Variants in NARS2 observed in about 807,000 individuals in gnomAD.
The protein encoded by NARS2 is asparaginyl-tRNA synthetase.
NARS2 carries 60 observed loss-of-function variants against 62.9 expected under a neutral mutation model. That is an observed-to-expected ratio of 0.95 (90% CI 0.77 to 1.18). NARS2 has a LOEUF of 1.18. Ranked by LOEUF, NARS2 falls within the 50% of genes most tolerant of loss-of-function variation. The pLI is 0.00. For missense variants in NARS2, 619 were observed against 576.4 expected (o/e 1.07, Z -0.76); for synonymous variants, 196 against 200.0 (o/e 0.98, Z 0.17).
chr11:78,486,496 C>T (rs528211960), intron 7 of NARS2, among the ~76,000 whole-genome samples: 23 of 152,284 alleles, frequency 1.5e-4, no homozygotes, highest in Middle Eastern at 3.4e-3. Flanking sequence ...GAGTAGCACA[C>T]GCATCAGAAA....
intron 6 of NARS2, among the ~76,000 whole-genome samples, chr11:78,521,768 C>A (rs1438858825): frequency 8.7e-6 from 1 of 115,516 alleles, no homozygotes; most frequent in Non-Finnish European, 1.6e-5. Context: ...CCAGCCTGGG[C>A]GACAGAGCGA....
intron 11 of NARS2, among the ~76,000 whole-genome samples, chr11:78,457,819 C>A (rs200349811): frequency 2.5e-4 from 32 of 127,222 alleles, no homozygotes; most frequent in African/African-American, 6.9e-4. Flanking sequence ...CACACACACA[C>A]ACACACACAA....
chr11:78,460,652 T>C (rs1239458258), intron 11 of NARS2, among the ~76,000 whole-genome samples: 1 of 152,190 alleles, frequency 6.6e-6, no homozygotes, highest in East Asian at 1.9e-4. Flanking sequence ...GTATCTGGCA[T>C]GTACAATTAG....
chr11:78,558,915 G>A (rs7111004), intron 5 of NARS2, among the ~76,000 whole-genome samples: 112,971 of 152,066 alleles, frequency 0.74, 42,500 homozygotes, highest in Non-Finnish European at 0.81. Context: ...TTGAATCTGC[G>A]TAAGAGAGAG....
intron 2 of NARS2, among the ~76,000 whole-genome samples, chr11:78,569,071 A>G (rs1856833487): frequency 6.6e-6 from 1 of 152,208 alleles, no homozygotes; most frequent in African/African-American, 2.4e-5. Context: ...ACATGGGAAA[A>G]CTGCAAATCA....
chr11:78,461,252 A>C (rs1362463757), intron 11 of NARS2, among the ~76,000 whole-genome samples: 3 of 152,144 alleles, frequency 2.0e-5, no homozygotes. Context: ...AACATGAGGA[A>C]AATAAAGACC....
Position 78,565,588 on chromosome 11 carries a change from C to T in NARS2, c.513+544G>A, listed in dbSNP as rs553874494. Among the ~76,000 whole-genome samples the T allele has an allele frequency of 6.6e-5, 10 of 152,242 alleles. No individual in the cohort carries two copies. The East Asian group carries it at 9.7e-4, about 15-fold the overall frequency. ...GAGACCCAAGTGGCTAGAGTTCATA[C>T]GCTAGAATATCAGAGAGAGAGCTGC... On this transcript the variant is annotated intron_variant, in intron 4 of 13. Transcript: ENST00000281038.
At chr11:78,478,328 T>C in intron 9 of NARS2, 110 bp downstream of exon 9, 1 of 363,316 alleles carries the variant, frequency 2.8e-6, no homozygotes, top group South Asian at 6.9e-5. Context: ...TATATATATA[T>C]CCTATATATA....
At chr11:78,521,323 C>T (rs1317542225) in intron 6 of NARS2, among the ~76,000 whole-genome samples, 2 of 151,842 alleles carry the variant, frequency 1.3e-5, no homozygotes, top group Non-Finnish European at 2.9e-5. Flanking sequence ...TGCCACCATG[C>T]TTGGTTTTTG....
intron 7 of NARS2, among the ~76,000 whole-genome samples, chr11:78,489,306 T>C (rs758148930): frequency 3.3e-5 from 5 of 152,242 alleles, no homozygotes; most frequent in African/African-American, 9.6e-5. Flanking sequence ...GGAGATGACA[T>C]ATAGATGGCC....
At chr11:78,456,404 C>T (rs1369771264) in intron 11 of NARS2, among the ~76,000 whole-genome samples, 1 of 152,128 alleles carries the variant, frequency 6.6e-6, no homozygotes, top group Non-Finnish European at 1.5e-5. Flanking sequence ...GAAATGGATA[C>T]TTTCAATTTT....
At chr11:78,505,998 A>G (rs559553316) in intron 6 of NARS2, among the ~76,000 whole-genome samples, 1 of 152,342 alleles carries the variant, frequency 6.6e-6, no homozygotes, top group African/African-American at 2.4e-5. Flanking sequence ...GAACTCTTAC[A>G]ACCCAATAAT....
chr11:78,545,257 C>G (rs1041384382), intron 5 of NARS2, among the ~76,000 whole-genome samples: 1 of 151,966 alleles, frequency 6.6e-6, no homozygotes, highest in Non-Finnish European at 1.5e-5. Context: ...TATGAAAATT[C>G]TTTTTTACAA....
At chr11:78,486,005 G>A (rs1859557998) in intron 7 of NARS2, among the ~76,000 whole-genome samples, 1 of 152,050 alleles carries the variant, frequency 6.6e-6, no homozygotes, top group Non-Finnish European at 1.5e-5. Flanking sequence ...CTCCCAAGTA[G>A]CTCGGATTAC....
At chr11:78,495,127 A>T (rs1339121717) in intron 6 of NARS2, among the ~76,000 whole-genome samples, 1 of 152,120 alleles carries the variant, frequency 6.6e-6, no homozygotes, top group Non-Finnish European at 1.5e-5. Flanking sequence ...CTCAAATCTG[A>T]TTATGTCAGC....
intron 11 of NARS2, among the ~76,000 whole-genome samples, chr11:78,458,918 T>TTTG (rs1413374834): frequency 1.3e-4 from 19 of 150,810 alleles, no homozygotes; most frequent in Non-Finnish European, 1.5e-5. Context: ...TTTTTTTTTG[T>TTTG]TTGTTTGTTT....
At chr11:78,468,870 A>G (rs1056168718) in intron 10 of NARS2, among the ~76,000 whole-genome samples, 1 of 149,730 alleles carries the variant, frequency 6.7e-6, no homozygotes, top group African/African-American at 2.5e-5. Context: ...GGGCTCAAGC[A>G]ATCTGCCTGC....
intron 6 of NARS2, among the ~76,000 whole-genome samples, chr11:78,515,224 C>T (rs969064276): frequency 1.3e-5 from 2 of 152,134 alleles, no homozygotes; most frequent in Non-Finnish European, 2.9e-5. Context: ...CCCCCACCCA[C>T]CCATCAGCAT....
intron 4 of NARS2, among the ~76,000 whole-genome samples, chr11:78,565,406 C>T (rs1856709882): frequency 6.6e-6 from 1 of 152,126 alleles, no homozygotes; most frequent in East Asian, 1.9e-4. Context: ...CAACAAAAGC[C>T]ATCTCTCTCT....
Sources: gnomAD v4.1 joint callset for allele counts (sites outside exome capture counted in the v4.1 genomes callset) on GRCh38, gnomAD v4.1.1 for gene constraint, MANE v1.5 for transcripts, NCBI Gene and HGNC (gene_info 2026-07-23, HGNC 2026-07-21) for gene names.